CD300E: variants seen among roughly 807,000 people sequenced by gnomAD.
CD300E encodes the protein CD300e molecule.
A neutral mutation model predicts 20.9 loss-of-function variants in CD300E; 14 were observed. That is an observed-to-expected ratio of 0.67 (90% CI 0.44 to 1.05). The LOEUF is 1.05. Among genes scored for constraint, CD300E ranks in the 50% least tolerant of loss-of-function variants. CD300E has a pLI of 0.00. For synonymous variants in CD300E, 102 were observed against 103.7 expected, an observed-to-expected ratio of 0.98 and a Z score of 0.10; for missense variants, 237 against 253.9, an observed-to-expected ratio of 0.93 and a Z score of 0.45.
At chr17:74,621,067 GGAAA>G (rs1349947100) in intron 1 of CD300E, among the ~76,000 whole-genome samples, 1 of 151,912 alleles carries the variant, frequency 6.6e-6, no homozygotes, top group African/African-American at 2.4e-5. Context: ...AAGAAGAAGA[GGAAA>G]GAAAAAGATG....
At position 74,613,925 on chromosome 17, in the gene CD300E, C is replaced by G. The variant is rs150945124; in HGVS notation, c.497G>C (p.Gly166Ala). The G allele has an allele frequency of 1.1e-5, 18 of 1,611,742 alleles. No homozygotes were observed. The African/African-American group carries it at 1.3e-4, about 12-fold the overall frequency. ...STGEVLTQNS[G>A]FRLSSPHFLL... The stretch of plus-strand genomic sequence containing the variant: ...TGGCCTCCAGGCCCTGCGTGCTTAC[C>G]CTGAATTTTGGGTCAACACCTCCCC... The change falls in exon 3 of 4, where the codon GGG becomes GCG. Residue 166 changes from glycine (G) to alanine (A), a missense_variant and splice_region_variant. Physicochemically the swap from Gly to Ala is moderately conservative, Grantham distance 60. Coordinates refer to ENST00000392619, the MANE Select transcript of CD300E (RefSeq NM_181449.3).
intron 1 of CD300E, among the ~76,000 whole-genome samples, chr17:74,623,013 C>T (rs1321147714): frequency 6.6e-6 from 1 of 152,262 alleles, no homozygotes; most frequent in East Asian, 1.9e-4. Flanking sequence ...GATGGGATTA[C>T]AGGCGTGAGC....
At chr17:74,619,197 A>C (rs563910030) in intron 1 of CD300E, 1 of 467,402 alleles carries the variant, frequency 2.1e-6, no homozygotes, top group Admixed American at 2.4e-5. Context: ...CATTTCCCAC[A>C]GTGGGAGCTT....
rs1568032093 is a variant in CD300E, at chr17:74,610,718, G to C, written c.*1935C>G. On this transcript the variant is annotated 3_prime_UTR_variant, in exon 4 of 4. Coordinates refer to ENST00000392619, the MANE Select transcript of CD300E (RefSeq NM_181449.3). ...GCCTCCTGAACCTGCCACCACCTGA[G>C]TTCTTCTAGATTAGTTCCATCTGGC... is the stretch of plus-strand genomic sequence containing the variant. 1.3e-5 allele frequency: 2 copies of C among 152,200 alleles called. No homozygotes were observed. The highest frequency in any genetic ancestry group is 4.8e-5 in the African/African-American group (2 of 41,420). 9.4% of individuals were successfully genotyped at this position (152,200 alleles called of 1,614,324 possible). A position where few individuals can be genotyped will look rare whatever the true frequency, so the allele number is the denominator to read the frequency against.
chr17:74,614,956 C>G (rs957810129), intron 2 of CD300E, among the ~76,000 whole-genome samples: 3 of 152,180 alleles, frequency 2.0e-5, no homozygotes, highest in African/African-American at 7.2e-5. Flanking sequence ...AGCCCTTCAC[C>G]GGTGCCCGAC....
rs572994690 is a variant in CD300E at position 74,613,936 on chromosome 17, G to C, written c.486C>G (p.Thr162=). 64 of 1,612,854 alleles carry C rather than the reference G, an allele frequency of 4.0e-5. 1 individual carries two copies. The South Asian group carries it at 6.8e-4, about 17-fold the overall frequency. ...CCCTGCGTGCTTACCCTGAATTTTG[G>C]GTCAACACCTCCCCGGTGCTGAGGT... ...GRNLSTGEVL[T]QNSGFRLSSP... Residue 162 remains threonine (T), a synonymous_variant, in exon 3 of 4, where the codon ACC becomes ACG. Coordinates refer to ENST00000392619, the MANE Select transcript of CD300E (RefSeq NM_181449.3).
chr17:74,614,182 C>A lies in CD300E; in HGVS notation c.389-149G>T. ...GATCCAGGGCACCTCCTGGGTGAAA[C>A]CCCTCAGGGACAAAAAGAGCCCTTA... On this transcript the variant is annotated intron_variant, in intron 2 of 3. Transcript: ENST00000392619. 4 of 648,024 alleles carry A rather than the reference C, an allele frequency of 6.2e-6. No homozygotes were observed. The East Asian group carries it at 1.1e-4, about 18-fold the overall frequency. The allele number at this position is 648,024 out of a possible 1,614,324, so 40.1% of individuals were successfully genotyped here. A position where few individuals can be genotyped will look rare whatever the true frequency, so the allele number is the denominator to read the frequency against.
chr17:74,616,556 G>T (rs151306111), intron 2 of CD300E, among the ~76,000 whole-genome samples: 8 of 152,274 alleles, frequency 5.3e-5, no homozygotes, highest in African/African-American at 1.9e-4. Flanking sequence ...CAGGTAGAGG[G>T]TGGGCATGGC....
Position 74,617,480 on chromosome 17 carries a change from C to T in CD300E, c.41-15G>A. 4.4e-6 allele frequency: 7 copies of T among 1,600,492 alleles called. No individual in the cohort carries two copies. The highest frequency in any genetic ancestry group is 6.0e-6 in the Non-Finnish European group (7 of 1,174,042). Reference sequence around the variant, plus strand: ...AGACAAACAGCCTGGAAAACACAAGCCCGAGTCCCAAGTCTCCATCCAGAT... The same window carrying T: ...AGACAAACAGCCTGGAAAACACAAGTCCGAGTCCCAAGTCTCCATCCAGAT... On this transcript the variant is annotated splice_polypyrimidine_tract_variant and intron_variant, in intron 1 of 3. Coordinates refer to ENST00000392619, the MANE Select transcript of CD300E (RefSeq NM_181449.3).
At chr17:74,616,374 G>A (rs1045373745) in intron 2 of CD300E, among the ~76,000 whole-genome samples, 1 of 152,194 alleles carries the variant, frequency 6.6e-6, no homozygotes, top group Non-Finnish European at 1.5e-5. Flanking sequence ...TCTGAAGAGA[G>A]TAGAAAATAA....
chr17:74,617,787 T>C (rs2030937977), intron 1 of CD300E, among the ~76,000 whole-genome samples: 1 of 152,230 alleles, frequency 6.6e-6, no homozygotes, highest in South Asian at 2.1e-4. Context: ...GATTTGGTCA[T>C]ATACAAGATC....
chr17:74,618,975 G>C, intron 1 of CD300E: 1 of 431,514 alleles, frequency 2.3e-6, no homozygotes, highest in South Asian at 1.7e-5. Flanking sequence ...TCCTCGCTCT[G>C]GATGCTGTGC....
chr17:74,616,156 G>A (rs1055593075), intron 2 of CD300E, among the ~76,000 whole-genome samples: 2 of 152,124 alleles, frequency 1.3e-5, no homozygotes, highest in Non-Finnish European at 2.9e-5. Context: ...AGGTCAGAAC[G>A]GGAGTGATGG....
At chr17:74,623,520 C>G in intron 1 of CD300E, 62 bp downstream of exon 1, 1 of 1,540,170 alleles carries the variant, frequency 6.5e-7, no homozygotes, top group Non-Finnish European at 8.9e-7. Context: ...CCCAGGACAG[C>G]TCTTCTACCT....
In CD300E at chr17:74,612,507, C is replaced by G; in HGVS notation, c.*146G>C. 2 of 1,157,774 alleles carry G rather than the reference C, an allele frequency of 1.7e-6. No individual in the cohort carries two copies. The highest frequency in any genetic ancestry group is 3.0e-5 in the South Asian group (2 of 67,738). The allele number at this position is 1,157,774 out of a possible 1,614,324, so 71.7% of individuals were successfully genotyped here. On this transcript the variant is annotated 3_prime_UTR_variant, in exon 4 of 4. Transcript: ENST00000392619. ...ATTGAGGACTCCAGAGGAGTGTCCT[C>G]TAAGAGCCAGGACCCTCCTTTGAGG...
chr17:74,623,519 G>C (rs745421874), intron 1 of CD300E, 63 bp downstream of exon 1: 28 of 1,545,752 alleles, frequency 1.8e-5, no homozygotes, highest in Non-Finnish European at 2.4e-5. Flanking sequence ...ACCCAGGACA[G>C]CTCTTCTACC....
At chr17:74,615,966 G>A (rs1488340027) in intron 2 of CD300E, among the ~76,000 whole-genome samples, 2 of 152,138 alleles carry the variant, frequency 1.3e-5, no homozygotes, top group African/African-American at 4.8e-5. Context: ...CACACCTGAA[G>A]TACCAGCTAC....
chr17:74,614,788 G>T (rs1055883951), intron 2 of CD300E, among the ~76,000 whole-genome samples: 4 of 152,018 alleles, frequency 2.6e-5, no homozygotes, highest in Non-Finnish European at 5.9e-5. Flanking sequence ...GGCCCATGTG[G>T]AAAGGCCACT....
chr17:74,612,257 C>CTCTCTCTCTCTCTGTCTG lies in CD300E; in HGVS notation c.*395_*396insCAGACAGAGAGAGAGAGA, dbSNP rs1598146998. On this transcript the variant is annotated 3_prime_UTR_variant, in exon 4 of 4. Coordinates refer to ENST00000392619, the MANE Select transcript of CD300E (RefSeq NM_181449.3). ...TCTCTCTCTCTCTCTGTCTCTCTCT[C>CTCTCTCTCTCTCTGTCTG]TCTCTCTCTCTCTCTCTCTCTGAGA... is the stretch of plus-strand genomic sequence containing the variant. 5 of 153,504 alleles carry CTCTCTCTCTCTCTGTCTG rather than the reference C, an allele frequency of 3.3e-5. No individual in the cohort carries two copies. In the East Asian group the frequency reaches 9.5e-4, roughly 29 times the overall value. 9.5% of individuals were successfully genotyped at this position (153,504 alleles called of 1,614,324 possible).
Sources: allele counts gnomAD v4.1 joint callset (sites outside exome capture counted in the v4.1 genomes callset), GRCh38; gene constraint gnomAD v4.1.1; transcripts MANE v1.5; gene names NCBI Gene and HGNC (gene_info 2026-07-23, HGNC 2026-07-21).